Variants in SLC71A2 observed in about 807,000 individuals in gnomAD.
The protein encoded by SLC71A2 is hippocampus abundant transcript-like 1.
chr9:94,430,086 G>A, the SLC71A2 span, among the ~76,000 whole-genome samples: 1 of 151,590 alleles, frequency 6.6e-6, no homozygotes, highest in African/African-American at 2.4e-5. Context: ...TGTATTTTTA[G>A]TAGAGACAGG....
chr9:94,401,879 T>C, the SLC71A2 span, among the ~76,000 whole-genome samples: 2 of 152,246 alleles, frequency 1.3e-5, no homozygotes, highest in East Asian at 1.9e-4. Context: ...CCCTGAGGGC[T>C]GCTGGTGCCC....
the SLC71A2 span, among the ~76,000 whole-genome samples, chr9:94,442,489 G>A: frequency 5.3e-5 from 8 of 152,236 alleles, no homozygotes; most frequent in South Asian, 1.7e-3. Flanking sequence ...TGATGGAGGA[G>A]GACAAAGATA....
chr9:94,377,553 T>TA, the SLC71A2 span, among the ~76,000 whole-genome samples: 14,048 of 131,952 alleles, frequency 0.11, 816 homozygotes, highest in African/African-American at 0.14. Flanking sequence ...TTTTTTTTTT[T>TA]AATTTATTTT....
chr9:94,437,148 TG>T, the SLC71A2 span, among the ~76,000 whole-genome samples: 1 of 142,990 alleles, frequency 7.0e-6, no homozygotes, highest in Non-Finnish European at 1.5e-5. Flanking sequence ...TCCAGAAAAC[TG>T]GAAGTATCGC....
chr9:94,402,134 T>C, the SLC71A2 span, among the ~76,000 whole-genome samples: 1 of 152,186 alleles, frequency 6.6e-6, no homozygotes, highest in African/African-American at 2.4e-5. Context: ...GACCTGTATC[T>C]TGTGCTCCCT....
chr9:94,455,154 TC>T, the SLC71A2 span, among the ~76,000 whole-genome samples: 2 of 124,374 alleles, frequency 1.6e-5, no homozygotes, highest in African/African-American at 3.4e-5. Flanking sequence ...GCTTGCTCTT[TC>T]CTTTTTTTTT....
chr9:94,451,989 T>C, the SLC71A2 span, among the ~76,000 whole-genome samples: 2 of 152,180 alleles, frequency 1.3e-5, no homozygotes, highest in African/African-American at 4.8e-5. Flanking sequence ...GGTGCTCCCC[T>C]TGCACCAGCA....
the SLC71A2 span, among the ~76,000 whole-genome samples, chr9:94,449,366 C>G: frequency 1.3e-5 from 2 of 152,244 alleles, no homozygotes; most frequent in African/African-American, 4.8e-5. Context: ...ATGTAGAACT[C>G]TTATAATAAA....
the SLC71A2 span, among the ~76,000 whole-genome samples, chr9:94,375,356 C>T: frequency 1.7e-4 from 26 of 151,888 alleles, no homozygotes; most frequent in African/African-American, 4.6e-4. Context: ...CTCCCGGCGT[C>T]GGAGGGGCGG....
At chr9:94,457,439 G>A in the SLC71A2 span, among the ~76,000 whole-genome samples, 1 of 142,068 alleles carries the variant, frequency 7.0e-6, no homozygotes, top group African/African-American at 2.7e-5. Flanking sequence ...TGGAAAGGAT[G>A]GTTTATTCAT....
the SLC71A2 span, among the ~76,000 whole-genome samples, chr9:94,400,800 C>T: frequency 7.2e-5 from 11 of 152,200 alleles, no homozygotes; most frequent in East Asian, 1.5e-3. Flanking sequence ...TGCGTGGTGC[C>T]GTTTACCTAT....
chr9:94,391,240 G>A, the SLC71A2 span, among the ~76,000 whole-genome samples: 2 of 150,444 alleles, frequency 1.3e-5, no homozygotes, highest in South Asian at 2.1e-4. Context: ...TTGGCGGTGT[G>A]TGTCTGTAGT....
the SLC71A2 span, chr9:94,456,423 C>G: frequency 4.8e-6 from 5 of 1,033,910 alleles, no homozygotes; most frequent in African/African-American, 1.6e-5. Flanking sequence ...TTCTCCCCAT[C>G]AACAGCAGGA....
the SLC71A2 span, among the ~76,000 whole-genome samples, chr9:94,453,172 C>T: frequency 6.4e-4 from 84 of 131,548 alleles, 1 homozygote; most frequent in African/African-American, 2.2e-3. Flanking sequence ...TTTTTTGACA[C>T]GGAGTCTCGC....
the SLC71A2 span, among the ~76,000 whole-genome samples, chr9:94,431,873 G>A: frequency 6.6e-6 from 1 of 152,140 alleles, no homozygotes; most frequent in African/African-American, 2.4e-5. Flanking sequence ...TTGGCCCGTG[G>A]CTCTACCTGG....
the SLC71A2 span, among the ~76,000 whole-genome samples, chr9:94,454,434 C>G: frequency 6.6e-6 from 1 of 152,116 alleles, no homozygotes; most frequent in Non-Finnish European, 1.5e-5. Context: ...GTGGCATGAT[C>G]TCAGCTCACT....
the SLC71A2 span, chr9:94,438,389 T>A: frequency 1.2e-6 from 2 of 1,614,166 alleles, no homozygotes; most frequent in African/African-American, 2.7e-5. Context: ...TTTGCTTTGG[T>A]TTCCTCTCCA....
chr9:94,442,036 TG>T, the SLC71A2 span, among the ~76,000 whole-genome samples: 1 of 152,198 alleles, frequency 6.6e-6, no homozygotes, highest in Non-Finnish European at 1.5e-5. Context: ...CTGTGAGACA[TG>T]GAAGTATGCT....
the SLC71A2 span, among the ~76,000 whole-genome samples, chr9:94,445,617 A>G: frequency 1.3e-5 from 2 of 152,052 alleles, no homozygotes; most frequent in East Asian, 1.9e-4. Flanking sequence ...ATTGTTTTCT[A>G]TAATATGTCT....
Sources: allele counts gnomAD v4.1 joint callset (sites outside exome capture counted in the v4.1 genomes callset), GRCh38; gene constraint gnomAD v4.1.1; transcripts MANE v1.5; gene names NCBI Gene and HGNC (gene_info 2026-07-23, HGNC 2026-07-21).